CHL1: variants seen among roughly 807,000 people sequenced by gnomAD.
CHL1 encodes the protein neural cell adhesion molecule L1-like protein.
Under a neutral mutation model 141.9 loss-of-function variants are expected in CHL1, and 96 were observed. The ratio of observed to expected loss-of-function variants is 0.68; its 90% CI spans 0.57 to 0.80. CHL1 has a LOEUF of 0.80. CHL1 is among the 30% of genes least tolerant of loss of function. CHL1 has a pLI of 0.00. For synonymous variants in CHL1, 613 were observed against 502.2 expected, an observed-to-expected ratio of 1.22 and a Z score of -2.95; for missense variants, 1,820 against 1,457.2, an observed-to-expected ratio of 1.25 and a Z score of -4.05.
chr3:383,755 G>T, intron 18 of CHL1, 61 bp from the exon 19 acceptor site: 1 of 1,164,104 alleles, frequency 8.6e-7, no homozygotes, highest in South Asian at 1.3e-5. Context: ...CAGGAGTTGT[G>T]ATATGATGAC....
At chr3:238,497 T>C (rs1362424709) in intron 1 of CHL1, among the ~76,000 whole-genome samples, 1 of 152,186 alleles carries the variant, frequency 6.6e-6, no homozygotes, top group Non-Finnish European at 1.5e-5. Context: ...TGTCAACATA[T>C]GTGTATTAAG....
At chr3:243,625 A>G (rs1692880299) in intron 1 of CHL1, among the ~76,000 whole-genome samples, 1 of 152,226 alleles carries the variant, frequency 6.6e-6, no homozygotes, top group Non-Finnish European at 1.5e-5. Context: ...AGGCATTGCA[A>G]TCTGTTTCTA....
At chr3:351,271 G>C (rs1231760174) in intron 10 of CHL1, among the ~76,000 whole-genome samples, 1 of 152,126 alleles carries the variant, frequency 6.6e-6, no homozygotes, top group Non-Finnish European at 1.5e-5. Flanking sequence ...TGAACAAATT[G>C]TTCTCACTAC....
At chr3:337,546 G>A (rs1324978566) in intron 5 of CHL1, among the ~76,000 whole-genome samples, 1 of 146,782 alleles carries the variant, frequency 6.8e-6, no homozygotes, top group Non-Finnish European at 1.5e-5. Context: ...GCCCCGGTGT[G>A]TGATGTCCCC....
At chr3:393,227 C>A (rs1202543526) in intron 23 of CHL1, among the ~76,000 whole-genome samples, 1 of 8,384 alleles carries the variant, frequency 1.2e-4, no homozygotes, top group African/African-American at 1.3e-4. Context: ...AGCCAGACTC[C>A]GTCTCAAAAA....
At chr3:393,906 A>AT (rs1335589493) in intron 23 of CHL1, among the ~76,000 whole-genome samples, 3 of 152,252 alleles carry the variant, frequency 2.0e-5, no homozygotes, top group Non-Finnish European at 4.4e-5. Context: ...TAATAAATGC[A>AT]TTTTTTTAAC....
intron 1 of CHL1, among the ~76,000 whole-genome samples, chr3:241,949 G>T (rs1692611831): frequency 6.6e-6 from 1 of 152,054 alleles, no homozygotes; most frequent in Admixed American, 6.6e-5. Flanking sequence ...AAATTCAAAG[G>T]ATTGTATGTC....
At chr3:338,729 A>G (rs1702131391) in intron 5 of CHL1, among the ~76,000 whole-genome samples, 1 of 152,232 alleles carries the variant, frequency 6.6e-6, no homozygotes, top group Non-Finnish European at 1.5e-5. Flanking sequence ...ATGGCACGCG[A>G]TAGCAGTTTT....
intron 2 of CHL1, among the ~76,000 whole-genome samples, chr3:317,343 T>C (rs1248443728): frequency 6.6e-6 from 1 of 152,018 alleles, no homozygotes; most frequent in Non-Finnish European, 1.5e-5. Flanking sequence ...CTTACTGCCC[T>C]AAGTCAAGAG....
chr3:348,849 C>A (rs1702989964), intron 9 of CHL1, among the ~76,000 whole-genome samples: 1 of 152,180 alleles, frequency 6.6e-6, no homozygotes, highest in Non-Finnish European at 1.5e-5. Context: ...ACATGTCCAG[C>A]TTTCACGCAG....
intron 1 of CHL1, among the ~76,000 whole-genome samples, chr3:239,332 T>C (rs1692314684): frequency 6.6e-6 from 1 of 152,044 alleles, no homozygotes; most frequent in African/African-American, 2.4e-5. Context: ...ACAACTAGAG[T>C]TCTAAAAGGC....
chr3:323,213 C>T (rs1427229908), intron 3 of CHL1, among the ~76,000 whole-genome samples: 1 of 151,972 alleles, frequency 6.6e-6, no homozygotes, highest in Non-Finnish European at 1.5e-5. Flanking sequence ...AGATAAACAA[C>T]TGACCATATA....
chr3:232,278 G>A (rs1376552421), intron 1 of CHL1, among the ~76,000 whole-genome samples: 1 of 152,094 alleles, frequency 6.6e-6, no homozygotes, highest in Non-Finnish European at 1.5e-5. Flanking sequence ...GTGTGTTTGT[G>A]CACTGTCCCT....
At chr3:352,330 T>C (rs925169097) in intron 10 of CHL1, among the ~76,000 whole-genome samples, 2 of 152,164 alleles carry the variant, frequency 1.3e-5, no homozygotes, top group Admixed American at 6.5e-5. Context: ...ATAACCAGTG[T>C]TGTATGTTCT....
intron 14 of CHL1, among the ~76,000 whole-genome samples, chr3:364,502 T>A (rs986525678): frequency 2.6e-5 from 4 of 152,308 alleles, no homozygotes; most frequent in South Asian, 4.1e-4. Flanking sequence ...CCCAATACAG[T>A]GCTTGGCCCA....
chr3:223,848 G>T (rs1294335285), intron 1 of CHL1, among the ~76,000 whole-genome samples: 1 of 152,276 alleles, frequency 6.6e-6, no homozygotes, highest in Non-Finnish European at 1.5e-5. Flanking sequence ...AAATCATAGG[G>T]GTCAAAGCTG....
intron 1 of CHL1, among the ~76,000 whole-genome samples, chr3:204,307 C>A (rs1249364113): frequency 6.6e-6 from 1 of 152,156 alleles, no homozygotes; most frequent in Non-Finnish European, 1.5e-5. Flanking sequence ...AGTTATGATG[C>A]CTGGGAAAGC....
chr3:314,276 C>T (rs1699977301), intron 2 of CHL1, among the ~76,000 whole-genome samples: 1 of 141,476 alleles, frequency 7.1e-6, no homozygotes, highest in Non-Finnish European at 1.5e-5. Context: ...GAAAGATTAG[C>T]ATAACCTCCC....
intron 1 of CHL1, among the ~76,000 whole-genome samples, chr3:204,935 TG>T (rs1448617699): frequency 3.9e-5 from 6 of 152,140 alleles, no homozygotes; most frequent in African/African-American, 1.4e-4. Flanking sequence ...ATTTTATAGA[TG>T]AAAAAAACTA....
Sources: gnomAD v4.1 joint callset for allele counts (sites outside exome capture counted in the v4.1 genomes callset) on GRCh38, gnomAD v4.1.1 for gene constraint, MANE v1.5 for transcripts, NCBI Gene and HGNC (gene_info 2026-07-23, HGNC 2026-07-21) for gene names.